MTMR14: variants seen among roughly 807,000 people sequenced by gnomAD.
MTMR14 encodes phosphatidylinositol-3,5-bisphosphate 3-phosphatase MTMR14.
In MTMR14, 48 loss-of-function variants were observed where a neutral mutation model predicts 86.3. The observed-to-expected ratio is 0.56, with a 90% CI of 0.44 to 0.71. The LOEUF (loss-of-function observed/expected upper bound fraction) is 0.71. Among genes scored for constraint, MTMR14 ranks in the 30% least tolerant of loss-of-function variants. MTMR14 has a pLI of 0.00. For missense variants in MTMR14, 780 were observed against 834.6 expected (o/e 0.93, Z 0.81); for synonymous variants, 366 against 326.1 (o/e 1.12, Z -1.32).
chr3:9,690,290 T>A, intron 17 of MTMR14, 147 bp downstream of exon 17: 2 of 916,250 alleles, frequency 2.2e-6, no homozygotes. Context: ...GGGTTAGTGT[T>A]TGGTAATAAA....
intron 1 of MTMR14, among the ~76,000 whole-genome samples, chr3:9,650,060 C>T (rs1025053013): frequency 6.6e-6 from 1 of 152,104 alleles, no homozygotes; most frequent in Non-Finnish European, 1.5e-5. Flanking sequence ...CTATTCCCTG[C>T]TTCAGGTGCC....
intron 13 of MTMR14, among the ~76,000 whole-genome samples, chr3:9,685,853 A>T (rs546808631): frequency 6.6e-6 from 1 of 152,030 alleles, no homozygotes; most frequent in Non-Finnish European, 1.5e-5. Context: ...TTTCCTTGCA[A>T]TGCAGGTCTG....
rs1372222069 is a variant in MTMR14, at chr3:9,677,743, CAT to C, written c.823-238_823-237del. On this transcript the variant is annotated intron_variant, in intron 8 of 18. Transcript: ENST00000296003. This position sits in a 1 kb window ranked among gnomAD's most constrained non-coding sequence, Gnocchi z 4.2. ...TGGGAAACCTGCCGGAAGCTGAACA[CAT>C]ATTGATCTTGCATGTTTCAGCAACA... Among the ~76,000 whole-genome samples the C allele has an allele frequency of 6.6e-6, 1 of 152,196 alleles. No individual in the cohort carries two copies. Among genetic ancestry groups the C allele is most frequent in the Admixed American group, 6.5e-5 (1 of 15,282 alleles).
At chr3:9,674,967 C>T (rs1470597498) in intron 7 of MTMR14, among the ~76,000 whole-genome samples, 1 of 152,176 alleles carries the variant, frequency 6.6e-6, no homozygotes, top group East Asian at 1.9e-4. Flanking sequence ...CAAAATTAGC[C>T]GGGCGCGGTG....
chr3:9,662,423 A>G (rs778038327), intron 3 of MTMR14, 48 bp downstream of exon 3: 1 of 1,519,488 alleles, frequency 6.6e-7, no homozygotes. Context: ...CTTCTGGGGT[A>G]GCTGACTTAC....
chr3:9,695,057 G>C (rs1983539), intron 17 of MTMR14, among the ~76,000 whole-genome samples: 4,823 of 152,328 alleles, frequency 0.032, 98 homozygotes, highest in African/African-American at 0.058. Context: ...GGAGAGCAGA[G>C]GGGGTGGAGC....
intron 17 of MTMR14, among the ~76,000 whole-genome samples, chr3:9,690,886 G>A (rs560965188): frequency 1.3e-5 from 2 of 152,304 alleles, no homozygotes; most frequent in South Asian, 4.1e-4. Flanking sequence ...GGGAAAAAGG[G>A]GCATTTAGAA....
chr3:9,689,832 G>A lies in MTMR14; in HGVS notation c.1434-132G>A, dbSNP rs2076082044. ...TGCCCATGGCCCTGAGCTGGAGAGA[G>A]TGCTAATGTTTGCCAACTCATGTGA... On this transcript the variant is annotated intron_variant, in intron 16 of 18. Transcript: ENST00000296003. The A allele has an allele frequency of 1.6e-5, 14 of 864,714 alleles. No individual in the cohort carries two copies. The South Asian group carries it at 2.3e-4, about 14-fold the overall frequency. 53.6% of individuals were successfully genotyped at this position (864,714 alleles called of 1,614,324 possible).
intron 3 of MTMR14, among the ~76,000 whole-genome samples, chr3:9,664,178 A>G (rs1292119823): frequency 6.6e-6 from 1 of 151,592 alleles, no homozygotes; most frequent in East Asian, 1.9e-4. Flanking sequence ...GTGTTTCCAT[A>G]GAATAGCAGT....
At chr3:9,649,778 C>G (rs762994260) in intron 1 of MTMR14, 36 bp downstream of exon 1, 3 of 1,611,152 alleles carry the variant, frequency 1.9e-6, no homozygotes, top group African/African-American at 2.7e-5. Context: ...GGGAAGGCTC[C>G]TAACTTGGGA....
chr3:9,676,238 T>C (rs1026473419), intron 7 of MTMR14, among the ~76,000 whole-genome samples: 2 of 152,140 alleles, frequency 1.3e-5, no homozygotes, highest in African/African-American at 4.8e-5. Context: ...GAGGCCCTGA[T>C]TGAGGTGCTG....
At position 9,701,019 on chromosome 3, in the gene MTMR14, A is replaced by AT. The variant is rs1364547158; in HGVS notation, c.1770-770dup. On this transcript the variant is annotated intron_variant, in intron 18 of 18. Coordinates refer to ENST00000296003, the MANE Select transcript of MTMR14 (RefSeq NM_001077525.3). The surrounding 1 kb of genome is among the most constrained non-coding windows in gnomAD (Gnocchi z 4.2). ...TTTTCAGTAGAGACAGGGTTTTGCC[A>AT]TGTTGGCCAAGCTAGTCTCGAACTC... 6.6e-6 allele frequency: 1 copy of AT among 152,214 alleles called. No homozygotes were observed. The highest frequency in any genetic ancestry group is 1.5e-5 in the Non-Finnish European group (1 of 68,128). The allele number at this position is 152,214 out of a possible 1,614,324, so 9.4% of individuals were successfully genotyped here.
At chr3:9,679,985 C>G (rs564373149) in intron 9 of MTMR14, among the ~76,000 whole-genome samples, 112 of 152,268 alleles carry the variant, frequency 7.4e-4, no homozygotes, top group Non-Finnish European at 1.1e-3. Context: ...CTTTTCTGCC[C>G]GCAAAGCCCT....
chr3:9,656,040 C>A (rs2047580983), intron 2 of MTMR14, among the ~76,000 whole-genome samples: 1 of 151,826 alleles, frequency 6.6e-6, no homozygotes, highest in African/African-American at 2.4e-5. Flanking sequence ...ACTAAATATA[C>A]AAAAATTAGC....
At chr3:9,655,756 C>T (rs112807398) in intron 2 of MTMR14, among the ~76,000 whole-genome samples, 1,611 of 151,930 alleles carry the variant, frequency 0.011, 28 homozygotes, top group African/African-American at 0.036. Flanking sequence ...CCAGCACACC[C>T]GGCCTCTTGA....
chr3:9,682,464 G>C (rs1341547565), intron 9 of MTMR14, among the ~76,000 whole-genome samples: 1 of 152,180 alleles, frequency 6.6e-6, no homozygotes, highest in African/African-American at 2.4e-5. Flanking sequence ...ACTGGGTCAG[G>C]CCCTTCCATG....
intron 13 of MTMR14, among the ~76,000 whole-genome samples, chr3:9,685,628 C>A (rs2075917802): frequency 6.6e-6 from 1 of 152,134 alleles, no homozygotes; most frequent in Non-Finnish European, 1.5e-5. Flanking sequence ...CTTCTCTTCC[C>A]CACCCTCCCG....
chr3:9,687,724 C>G, intron 13 of MTMR14, 97 bp from the exon 14 acceptor site: 1 of 978,084 alleles, frequency 1.0e-6, no homozygotes, highest in Non-Finnish European at 1.6e-6. Flanking sequence ...GGGCCGCTCT[C>G]CAGCAGGGGC....
At position 9,671,037 on chromosome 3, in the gene MTMR14, C is replaced by G. The variant is rs1182046582; in HGVS notation, c.555-11C>G. On this transcript the variant is annotated splice_polypyrimidine_tract_variant and intron_variant, in intron 5 of 18. Transcript: ENST00000296003. ...TGCCATGTAACTTCTCCCTCTGGCT[C>G]TTTATTTCAGAAGTGGTGACACGCA... The G allele has an allele frequency of 2.0e-5, 32 of 1,613,966 alleles. No homozygotes were observed. The highest frequency in any genetic ancestry group is 2.7e-5 in the Non-Finnish European group (32 of 1,179,994).
Sources: allele counts gnomAD v4.1 joint callset (sites outside exome capture counted in the v4.1 genomes callset), GRCh38; gene constraint gnomAD v4.1.1; non-coding constraint Gnocchi (gnomAD v3.1); transcripts MANE v1.5; gene names NCBI Gene and HGNC (gene_info 2026-07-23, HGNC 2026-07-21).